The following CEP135 variants were observed in gnomAD, a reference collection of about 807,000 sequenced individuals.
CEP135 encodes the protein centrosomal protein of 135 kDa.
In CEP135, 142 loss-of-function variants were observed where a neutral mutation model predicts 157.3. That is an observed-to-expected ratio of 0.90 (90% CI 0.79 to 1.04). CEP135 has a LOEUF of 1.04. CEP135 is among the 50% of genes least tolerant of loss of function. CEP135 has a pLI of 0.00. For missense variants in CEP135, 1,317 were observed against 1,309.2 expected (o/e 1.01, Z -0.09); for synonymous variants, 396 against 439.8 (o/e 0.90, Z 1.25).
intron 14 of CEP135, among the ~76,000 whole-genome samples, chr4:55,988,450 A>G (rs1210873363): frequency 6.6e-6 from 1 of 152,124 alleles, no homozygotes; most frequent in Non-Finnish European, 1.5e-5. Context: ...ACTTGAGGTT[A>G]GCAGTTCAAG....
At position 55,954,307 on chromosome 4, in the gene CEP135, GA is replaced by G; in HGVS notation, c.399del (p.Glu134ArgfsTer20). On this transcript the variant is annotated frameshift_variant, in exon 4 of 26. Transcript: ENST00000257287. LOFTEE classifies it high-confidence loss of function. ...ATGCTCATAAACTCAAACTGTTGGAGAAAGAGAGCAAAGCTAAGAATGAAAG... is the reference window on the plus strand; with the variant it reads ...ATGCTCATAAACTCAAACTGTTGGAGAAGAGAGCAAAGCTAAGAATGAAAG... Reference protein sequence around the residue: ...QYAHKLKLLEKESKAKNERIQ... With the variant: ...QYAHKLKLLEXESKAKNERIQ... The G allele has an allele frequency of 6.2e-7, 1 of 1,611,764 alleles. No individual in the cohort carries two copies. The highest frequency in any genetic ancestry group is 1.3e-5 in the African/African-American group (1 of 74,964).
chr4:55,968,658 A>G (rs1172184763), intron 8 of CEP135, among the ~76,000 whole-genome samples: 1 of 152,118 alleles, frequency 6.6e-6, no homozygotes, highest in Non-Finnish European at 1.5e-5. Flanking sequence ...AAATGTTCCT[A>G]TTGGGTCATA....
At chr4:56,028,112 A>C (rs1046881381) in intron 25 of CEP135, among the ~76,000 whole-genome samples, 4 of 152,194 alleles carry the variant, frequency 2.6e-5, no homozygotes, top group Non-Finnish European at 5.9e-5. Flanking sequence ...CATTTAAAAA[A>C]TCCTTTTGTC....
At chr4:55,994,673 T>A (rs538819754) in intron 15 of CEP135, among the ~76,000 whole-genome samples, 1 of 151,974 alleles carries the variant, frequency 6.6e-6, no homozygotes, top group Admixed American at 6.6e-5. Context: ...GGCTTTTCTA[T>A]ATCAAGCATA....
intron 17 of CEP135, among the ~76,000 whole-genome samples, chr4:56,000,090 C>G (rs1730111166): frequency 6.6e-6 from 1 of 151,960 alleles, no homozygotes; most frequent in African/African-American, 2.4e-5. Context: ...GCTCAGGAAG[C>G]TGAGGTGGGA....
Position 56,019,364 on chromosome 4 carries a change from A to G in CEP135, c.3024A>G (p.Glu1008=), listed in dbSNP as rs564431024. The change falls in exon 23 of 26, where the codon GAA becomes GAG. Residue 1008 remains glutamate (E), a synonymous_variant. Transcript: ENST00000257287. ...KNLEFERVVV[E]LENVKSESDL... ...TGTTTTTCACGTAGGTTGTGGTGGA[A>G]TTAGAAAATGTAAAGTCAGAGTCAG... is the stretch of plus-strand genomic sequence containing the variant. 5.6e-6 allele frequency: 9 copies of G among 1,610,486 alleles called. No homozygotes were observed. In the African/African-American group the frequency reaches 1.1e-4, roughly 19 times the overall value.
rs1346335360 is a variant in CEP135, at chr4:55,974,877, C to G, written c.1381C>G (p.Leu461Val). The part of the protein sequence containing the change: ...EEERDYYKKE[L>V]ERLQHIIQRR... ...AGAACGAGATTATTATAAGAAAGAGCTAGAGAGACTCCAACATATAATACA... is the reference window on the plus strand; with the variant it reads ...AGAACGAGATTATTATAAGAAAGAGGTAGAGAGACTCCAACATATAATACA... Residue 461 changes from leucine (L) to valine (V), a missense_variant, in exon 11 of 26, where the codon CTA becomes GTA. Leu to Val is a conservative substitution (Grantham distance 32). Transcript: ENST00000257287. 1 of 1,613,788 alleles carries G rather than the reference C, an allele frequency of 6.2e-7. No individual in the cohort carries two copies. The highest frequency in any genetic ancestry group is 1.1e-5 in the South Asian group (1 of 91,068).
chr4:56,011,323 C>T, intron 19 of CEP135, 89 bp from the exon 20 acceptor site: 3 of 882,392 alleles, frequency 3.4e-6, no homozygotes, highest in Admixed American at 5.4e-5. Flanking sequence ...CTATCTTATT[C>T]TCCAATTCCA....
intron 15 of CEP135, among the ~76,000 whole-genome samples, chr4:55,995,324 T>C (rs1284985202): frequency 6.6e-6 from 1 of 152,182 alleles, no homozygotes; most frequent in Non-Finnish European, 1.5e-5. Context: ...TGTTGTTGTC[T>C]GTTTTGTTTT....
In CEP135 at chr4:55,954,185, A is replaced by G. The variant is rs780499109; in HGVS notation, c.305-31A>G. 3 of 1,537,856 alleles carry G rather than the reference A, an allele frequency of 2.0e-6. No individual in the cohort carries two copies. The African/African-American group carries it at 4.2e-5, about 22-fold the overall frequency. Reference sequence around the variant, plus strand: ...AACTTCATTGGATTTCTTGATCTTTAAAACGGTCTTTGAATCTTTTTCATT... The same window carrying G: ...AACTTCATTGGATTTCTTGATCTTTGAAACGGTCTTTGAATCTTTTTCATT... On this transcript the variant is annotated intron_variant, in intron 3 of 25. Coordinates refer to ENST00000257287, the MANE Select transcript of CEP135 (RefSeq NM_025009.5).
chr4:56,000,939 A>G lies in CEP135; in HGVS notation c.2280+1294A>G, dbSNP rs1275131586. On this transcript the variant is annotated intron_variant, in intron 17 of 25. Transcript: ENST00000257287. ...GGTTATTCCCCATCTTTTTGATAAA[A>G]AGCATTCTAACTGGGGTGAGACGAT... Among the ~76,000 whole-genome samples, 3 of 152,128 alleles carry G rather than the reference A, an allele frequency of 2.0e-5. No individual in the cohort carries two copies. The East Asian group carries it at 5.8e-4, about 29-fold the overall frequency.
intron 1 of CEP135, among the ~76,000 whole-genome samples, 151 bp downstream of exon 1, chr4:55,949,210 G>C (rs774767307): frequency 6.6e-6 from 1 of 152,186 alleles, no homozygotes; most frequent in African/African-American, 2.4e-5. Context: ...ACCGGGCGGG[G>C]AGGGGCGCGG....
At chr4:56,021,447 C>T (rs969753032) in intron 24 of CEP135, among the ~76,000 whole-genome samples, 3 of 152,142 alleles carry the variant, frequency 2.0e-5, no homozygotes, top group Non-Finnish European at 1.5e-5. Context: ...GGTTCATTTG[C>T]TTTACGTTGA....
Position 56,024,556 on chromosome 4 carries a change from T to G in CEP135, c.3376T>G (p.Ser1126Ala), listed in dbSNP as rs1175962318. The G allele has an allele frequency of 1.2e-6, 2 of 1,613,850 alleles. No homozygotes were observed. Among genetic ancestry groups the G allele is most frequent in the East Asian group, 4.5e-5 (2 of 44,842 alleles). The change falls in exon 25 of 26, where the codon TCC becomes GCC. Residue 1126 changes from serine to alanine, a missense_variant. By Grantham distance (99) the Ser-to-Ala change is moderately conservative. Transcript: ENST00000257287. ...TGGTCTTGCTACACCACCCCTTAGT[T>G]CCACTCTGAGGTCTCCTTCACATTC... ...RHGLATPPLS[S>A]TLRSPSHSPE...
intron 1 of CEP135, among the ~76,000 whole-genome samples, chr4:55,950,150 G>C (rs1728317645): frequency 6.6e-6 from 1 of 152,206 alleles, no homozygotes; most frequent in Non-Finnish European, 1.5e-5. Flanking sequence ...AAGTTAACAA[G>C]AGCAAAGAGA....
chr4:56,015,041 CA>C (rs1187845734), intron 21 of CEP135, among the ~76,000 whole-genome samples: 2 of 149,714 alleles, frequency 1.3e-5, no homozygotes, highest in Non-Finnish European at 3.0e-5. Flanking sequence ...GACCTTGTCT[CA>C]AAAAAAAGGA....
intron 15 of CEP135, among the ~76,000 whole-genome samples, chr4:55,999,024 G>A (rs1435697023): frequency 1.3e-5 from 2 of 152,060 alleles, no homozygotes; most frequent in East Asian, 3.9e-4. Flanking sequence ...ACTAAGAAGA[G>A]CTTTAAAACT....
intron 4 of CEP135, among the ~76,000 whole-genome samples, 183 bp downstream of exon 4, chr4:55,954,566 G>A (rs151259963): frequency 7.9e-4 from 120 of 152,184 alleles, no homozygotes; most frequent in African/African-American, 2.8e-3. Context: ...TAATTTATAC[G>A]TGTGCTTAGA....
chr4:55,971,546 GTTA>G, intron 10 of CEP135, 138 bp downstream of exon 10: 1 of 830,716 alleles, frequency 1.2e-6, no homozygotes, highest in South Asian at 2.2e-5. Context: ...AACCATAGTA[GTTA>G]CTGTAGATAC....
Sources: allele counts gnomAD v4.1 joint callset (sites outside exome capture counted in the v4.1 genomes callset), GRCh38; gene constraint gnomAD v4.1.1; transcripts MANE v1.5; gene names NCBI Gene and HGNC (gene_info 2026-07-23, HGNC 2026-07-21).